Variants in ULK4 observed in about 807,000 individuals in gnomAD.
ULK4 encodes inactive serine/threonine-protein kinase ULK4.
Under a neutral mutation model 160.6 loss-of-function variants are expected in ULK4, and 133 were observed. That is an observed-to-expected ratio of 0.83 (90% CI 0.72 to 0.96). The LOEUF is 0.96. ULK4 is among the 40% of genes least tolerant of loss of function. The pLI, the probability that ULK4 is intolerant of heterozygous loss-of-function variation, is 0.00. For missense variants in ULK4, 1,580 were observed against 1,499.5 expected (o/e 1.05, Z -0.89); for synonymous variants, 534 against 539.8 (o/e 0.99, Z 0.15).
At chr3:41,377,039 G>A (rs1331789262) in intron 35 of ULK4, among the ~76,000 whole-genome samples, 1 of 151,528 alleles carries the variant, frequency 6.6e-6, no homozygotes, top group Non-Finnish European at 1.5e-5. Flanking sequence ...ATAGATCAAT[G>A]GAACAGAACA....
At chr3:41,786,473 A>G (rs759020281) in intron 21 of ULK4, among the ~76,000 whole-genome samples, 39 of 151,862 alleles carry the variant, frequency 2.6e-4, no homozygotes, top group Non-Finnish European at 4.0e-4. Context: ...ATGGCGGTGC[A>G]CGCCAGTAGT....
chr3:41,789,568 G>T (rs2040089475), intron 21 of ULK4, 93 bp downstream of exon 21: 1 of 1,259,598 alleles, frequency 7.9e-7, no homozygotes, highest in East Asian at 2.7e-5. Context: ...GATAAAAAAT[G>T]AATTCTACAA....
At chr3:41,831,006 T>TA (rs2041561737) in intron 18 of ULK4, among the ~76,000 whole-genome samples, 2 of 127,500 alleles carry the variant, frequency 1.6e-5, no homozygotes, top group African/African-American at 8.4e-5. Flanking sequence ...ATGTTTTTAT[T>TA]ATTTTTTTTA....
intron 19 of ULK4, among the ~76,000 whole-genome samples, chr3:41,803,049 T>C (rs149638227): frequency 0.12 from 18,760 of 151,666 alleles, 1,336 homozygotes; most frequent in Middle Eastern, 0.27. Context: ...CTTATAATCC[T>C]AGCTACTCAG....
intron 2 of ULK4, among the ~76,000 whole-genome samples, chr3:41,953,269 T>TAC (rs1407480996): frequency 0.018 from 1,482 of 81,648 alleles, 29 homozygotes; most frequent in African/African-American, 0.049. Context: ...TATATACACA[T>TAC]ATATACATAT....
chr3:41,695,196 G>A (rs1273874435), intron 27 of ULK4, among the ~76,000 whole-genome samples: 1 of 152,194 alleles, frequency 6.6e-6, no homozygotes, highest in Non-Finnish European at 1.5e-5. Context: ...ATCATCTCCT[G>A]AAGTCCCCAC....
chr3:41,819,780 T>C (rs1012888901), intron 18 of ULK4, among the ~76,000 whole-genome samples: 3 of 152,200 alleles, frequency 2.0e-5, no homozygotes, highest in Non-Finnish European at 2.9e-5. Flanking sequence ...GAAATGACAA[T>C]ATGATCCAAT....
chr3:41,578,635 A>G (rs931311085), intron 31 of ULK4, among the ~76,000 whole-genome samples: 52 of 152,234 alleles, frequency 3.4e-4, no homozygotes, highest in African/African-American at 1.2e-3. Context: ...AATGTAGGTG[A>G]ATAAATTAAT....
chr3:41,439,796 G>GT (rs1406632095), intron 34 of ULK4, among the ~76,000 whole-genome samples: 3 of 152,112 alleles, frequency 2.0e-5, no homozygotes, highest in Non-Finnish European at 4.4e-5. Flanking sequence ...ACCACATTGA[G>GT]TTTACACATC....
chr3:41,408,417 G>A (rs1212870760), intron 34 of ULK4, among the ~76,000 whole-genome samples: 2 of 104,864 alleles, frequency 1.9e-5, no homozygotes, highest in Non-Finnish European at 3.5e-5. Context: ...GACAAAGTGA[G>A]ACTCCATCTC....
chr3:41,933,592 A>G (rs1686991561), intron 4 of ULK4, among the ~76,000 whole-genome samples: 1 of 152,182 alleles, frequency 6.6e-6, no homozygotes, highest in Admixed American at 6.5e-5. Context: ...ATAACAGCTG[A>G]TAATAAATCT....
At chr3:41,821,104 G>C (rs1326273491) in intron 18 of ULK4, among the ~76,000 whole-genome samples, 1 of 152,164 alleles carries the variant, frequency 6.6e-6, no homozygotes. Context: ...TTCACTCCCA[G>C]CCACTTAGAA....
At chr3:41,334,307 G>C (rs570244957) in intron 35 of ULK4, among the ~76,000 whole-genome samples, 15 of 152,254 alleles carry the variant, frequency 9.9e-5, no homozygotes, top group African/African-American at 3.4e-4. Context: ...GAGGCCCGTT[G>C]CATCTCTTCA....
In ULK4 at chr3:41,506,807, T is replaced by TAC. The variant is rs1559658299; in HGVS notation, c.3227-43555_3227-43554insGT. 1.2e-3 allele frequency among the ~76,000 whole-genome samples: 129 copies of TAC among 110,688 alleles called. 1 individual carries two copies. Among genetic ancestry groups the TAC allele is most frequent in the African/African-American group, 4.3e-3 (125 of 29,164 alleles). The allele number at this position is 110,688 out of a possible 152,430, so 72.6% of individuals were successfully genotyped here. On this transcript the variant is annotated intron_variant, in intron 32 of 36. Coordinates refer to ENST00000301831, the MANE Select transcript of ULK4 (RefSeq NM_017886.4). The stretch of plus-strand genomic sequence containing the variant: ...ATATATATATATATATATATATATA[T>TAC]GAACATGTTTTACAATTATTTTTAC...
chr3:41,657,835 A>AAAAAAAAAAAAAAAAAG (rs2035000764), intron 30 of ULK4, among the ~76,000 whole-genome samples: 1 of 142,514 alleles, frequency 7.0e-6, no homozygotes, highest in African/African-American at 2.5e-5. Context: ...AAAAAAAAAA[A>AAAAAAAAAAAAAAAAAG]CACACACCAC....
At chr3:41,722,508 G>A (rs1261831197) in intron 22 of ULK4, among the ~76,000 whole-genome samples, 1 of 152,142 alleles carries the variant, frequency 6.6e-6, no homozygotes, top group Non-Finnish European at 1.5e-5. Flanking sequence ...GCACATGCCT[G>A]TAATCCCAGC....
chr3:41,304,080 T>C (rs925998777), intron 35 of ULK4, among the ~76,000 whole-genome samples: 1 of 151,924 alleles, frequency 6.6e-6, no homozygotes, highest in Non-Finnish European at 1.5e-5. Context: ...AGACCAGCCA[T>C]GGTCTACACG....
chr3:41,487,385 A>T (rs554536708), intron 32 of ULK4, among the ~76,000 whole-genome samples: 1 of 152,274 alleles, frequency 6.6e-6, no homozygotes, highest in Non-Finnish European at 1.5e-5. Context: ...ATAAATGCAT[A>T]AGAACGGTGG....
chr3:41,503,691 C>T (rs903200213), intron 32 of ULK4, among the ~76,000 whole-genome samples: 3 of 152,030 alleles, frequency 2.0e-5, no homozygotes, highest in Non-Finnish European at 4.4e-5. Context: ...AAAAGTAGAA[C>T]ACGTATGTAA....
Sources: allele counts gnomAD v4.1 joint callset (sites outside exome capture counted in the v4.1 genomes callset), GRCh38; gene constraint gnomAD v4.1.1; transcripts MANE v1.5; gene names NCBI Gene and HGNC (gene_info 2026-07-23, HGNC 2026-07-21).